QSER1: variants seen among roughly 807,000 people sequenced by gnomAD.
QSER1 encodes glutamine and serine-rich protein 1.
QSER1 carries 49 observed loss-of-function variants against 158.5 expected under a neutral mutation model. The ratio of observed to expected loss-of-function variants is 0.31; its 90% confidence interval spans 0.25 to 0.39. The LOEUF (loss-of-function observed/expected upper bound fraction) is 0.39, where lower values mean the gene tolerates loss of function less well. Among genes scored for constraint, QSER1 ranks in the 10% least tolerant of loss-of-function variants. The pLI, the probability that QSER1 is intolerant of heterozygous loss-of-function variation, is 1.00. For synonymous variants in QSER1, 650 were observed against 715.5 expected (o/e 0.91, Z 1.46); for missense variants, 1,754 against 2,010.3 (o/e 0.87, Z 2.44).
intron 4 of QSER1, among the ~76,000 whole-genome samples, chr11:32,945,663 C>G (rs1289100064): frequency 2.0e-5 from 3 of 149,754 alleles, no homozygotes; most frequent in Non-Finnish European, 4.5e-5. Context: ...TCTGGCTGCC[C>G]TTAACATTTT....
At chr11:32,976,274 T>C in intron 12 of QSER1, 60 bp from the exon 13 acceptor site, 1 of 1,363,460 alleles carries the variant, frequency 7.3e-7, no homozygotes, top group Non-Finnish European at 9.9e-7. Context: ...CCAGTACTTG[T>C]AGTTGAACTT....
Position 32,936,915 on chromosome 11 carries a change from C to T in QSER1, c.4177+1480C>T, listed in dbSNP as rs560659355. On this transcript the variant is annotated intron_variant, in intron 4 of 12. Coordinates refer to ENST00000650167, the MANE Select transcript of QSER1 (RefSeq NM_001076786.3). ...TCTAAAGAATTCTCATTTCATTACA[C>T]AGGGAAATTAACATGATAGAAAGTC... is the stretch of plus-strand genomic sequence containing the variant. Among the ~76,000 whole-genome samples, 19 of 152,346 alleles carry T rather than the reference C, an allele frequency of 1.2e-4. No homozygotes were observed. In the South Asian group the frequency reaches 3.7e-3, roughly 30 times the overall value.
Position 32,892,888 on chromosome 11 carries a change from C to A in QSER1, c.-238C>A, listed in dbSNP as rs1280194494. Among the ~76,000 whole-genome samples the A allele has an allele frequency of 1.4e-5, 2 of 147,692 alleles. No homozygotes were observed. The highest frequency in any genetic ancestry group is 3.0e-5 in the Non-Finnish European group (2 of 66,398). On this transcript the variant is annotated 5_prime_UTR_variant, in exon 1 of 13. Coordinates refer to ENST00000650167, the MANE Select transcript of QSER1 (RefSeq NM_001076786.3). The stretch of plus-strand genomic sequence containing the variant: ...TCGCCGCGAGTCCCGGCCGCGGGTG[C>A]CTCCGCTTCCCTGACGCCCAGCTGG...
At chr11:32,974,107 A>C (rs894499726) in intron 11 of QSER1, among the ~76,000 whole-genome samples, 1 of 152,240 alleles carries the variant, frequency 6.6e-6, no homozygotes, top group Non-Finnish European at 1.5e-5. Flanking sequence ...CAGTTTGGCA[A>C]CATATCAACT....
chr11:32,946,998 G>GCCGT (rs1260656052), intron 4 of QSER1, among the ~76,000 whole-genome samples: 1 of 152,232 alleles, frequency 6.6e-6, no homozygotes, highest in Non-Finnish European at 1.5e-5. Flanking sequence ...TTTTCCAGGT[G>GCCGT]CCGTCCGTCA....
chr11:32,972,413 AT>A (rs1006954800), intron 10 of QSER1, among the ~76,000 whole-genome samples: 5 of 107,118 alleles, frequency 4.7e-5, no homozygotes, highest in Non-Finnish European at 1.0e-4. Flanking sequence ...TGGCTTATTT[AT>A]TTATTTATTT....
chr11:32,899,966 C>G (rs1005818809), intron 1 of QSER1, among the ~76,000 whole-genome samples: 1 of 152,130 alleles, frequency 6.6e-6, no homozygotes, highest in East Asian at 1.9e-4. Context: ...CCTCCTCTAG[C>G]CTTCCCCACC....
rs2133545032 is a variant in QSER1, at chr11:32,931,957, T to A, written c.699T>A (p.Thr233=). ...SHHDPLLQIK[T]SQGTVPTALA... ...ATGACCCTTTGCTACAAATCAAGAC[T>A]TCCCAGGGAACTGTTCCAACTGCTT... The change falls in exon 4 of 13, where the codon ACT becomes ACA. Residue 233 remains threonine (T), a synonymous_variant. Transcript: ENST00000650167. 1 of 1,614,182 alleles carries A rather than the reference T, an allele frequency of 6.2e-7. No individual in the cohort carries two copies. The highest frequency in any genetic ancestry group is 8.5e-7 in the Non-Finnish European group (1 of 1,180,016).
chr11:32,966,247 TTTTAAAA>T, intron 8 of QSER1, 46 bp from the exon 9 acceptor site: 1 of 1,581,418 alleles, frequency 6.3e-7, no homozygotes. Context: ...AGAAAAGTGT[TTTTAAAA>T]TTGTCAGGAA....
chr11:32,949,872 G>C (rs1852393832), intron 4 of QSER1, among the ~76,000 whole-genome samples: 1 of 152,156 alleles, frequency 6.6e-6, no homozygotes, highest in African/African-American at 2.4e-5. Flanking sequence ...TATTTGTCAA[G>C]CACTTTAGTT....
At position 32,935,415 on chromosome 11, in the gene QSER1, C is replaced by G. The variant is rs1852137691; in HGVS notation, c.4157C>G (p.Ser1386Cys). The change falls in exon 4 of 13, where the codon TCT becomes TGT. Residue 1386 changes from serine (S) to cysteine (C), a missense_variant. This residue lies in a region of QSER1 where 1,707 missense variants were observed against 1,919.6 expected (regional missense o/e 0.89). Coordinates refer to ENST00000650167, the MANE Select transcript of QSER1 (RefSeq NM_001076786.3). Reference protein sequence around the residue: ...STPLTTLDATSDKKKKTEALQ... With the variant: ...STPLTTLDATCDKKKKTEALQ... Reference sequence around the variant, plus strand: ...CCCTTAACTACTTTGGATGCTACTTCTGATAAAAAGAAGAAAACAGGTAAA... The same window carrying G: ...CCCTTAACTACTTTGGATGCTACTTGTGATAAAAAGAAGAAAACAGGTAAA... 6.6e-7 allele frequency: 1 copy of G among 1,515,978 alleles called. No homozygotes were observed. The highest frequency in any genetic ancestry group is 2.3e-5 in the East Asian group (1 of 43,628). 93.9% of individuals were successfully genotyped at this position (1,515,978 alleles called of 1,614,324 possible).
At chr11:32,901,398 A>AG (rs1344446435) in intron 1 of QSER1, among the ~76,000 whole-genome samples, 1 of 152,198 alleles carries the variant, frequency 6.6e-6, no homozygotes, top group Admixed American at 6.5e-5. Flanking sequence ...TCAGGGACTT[A>AG]GTGGGGAAAA....
intron 10 of QSER1, among the ~76,000 whole-genome samples, chr11:32,971,163 C>T (rs1008582266): frequency 6.6e-6 from 1 of 151,936 alleles, no homozygotes. Context: ...AGTGATCTGC[C>T]TGCCTCTGCC....
intron 10 of QSER1, among the ~76,000 whole-genome samples, chr11:32,971,369 C>T (rs1026688835): frequency 2.6e-5 from 4 of 151,948 alleles, no homozygotes; most frequent in African/African-American, 7.3e-5. Context: ...GTTAGGAGTC[C>T]TGAAGCTTTT....
intron 1 of QSER1, among the ~76,000 whole-genome samples, chr11:32,926,556 G>A (rs1851974448): frequency 6.6e-6 from 1 of 152,090 alleles, no homozygotes; most frequent in Non-Finnish European, 1.5e-5. Flanking sequence ...TTCTTTCTAT[G>A]GGTTTAAAAT....
intron 1 of QSER1, among the ~76,000 whole-genome samples, chr11:32,911,470 AAGAT>A (rs1375255711): frequency 6.6e-6 from 1 of 152,226 alleles, no homozygotes; most frequent in Non-Finnish European, 1.5e-5. Context: ...GTCTTTAAAT[AAGAT>A]AGAGTTGATC....
At chr11:32,921,044 G>C (rs933860703) in intron 1 of QSER1, among the ~76,000 whole-genome samples, 1 of 152,094 alleles carries the variant, frequency 6.6e-6, no homozygotes, top group Non-Finnish European at 1.5e-5. Flanking sequence ...ACAAAAACTT[G>C]TACATGAATG....
At chr11:32,938,624 T>C (rs913595239) in intron 4 of QSER1, among the ~76,000 whole-genome samples, 1 of 152,234 alleles carries the variant, frequency 6.6e-6, no homozygotes, top group Non-Finnish European at 1.5e-5. Flanking sequence ...TGTTAGTTTT[T>C]TGTGGACTGC....
intron 3 of QSER1, among the ~76,000 whole-genome samples, chr11:32,930,958 G>A (rs1852037209): frequency 6.6e-6 from 1 of 152,154 alleles, no homozygotes; most frequent in African/African-American, 2.4e-5. Context: ...TTGGGAAGTT[G>A]TTCATAGGAA....
Sources: allele counts gnomAD v4.1 joint callset (sites outside exome capture counted in the v4.1 genomes callset), GRCh38; gene constraint gnomAD v4.1.1; regional missense constraint gnomAD v4.1.1; transcripts MANE v1.5; gene names NCBI Gene and HGNC (gene_info 2026-07-23, HGNC 2026-07-21).